Variants in MACROD2 observed in about 807,000 individuals in gnomAD.
The protein encoded by MACROD2 is mono-ADP ribosylhydrolase 2, also known as ADP-ribose glycohydrolase MACROD2.
MACROD2 carries 36 observed loss-of-function variants against 70.4 expected under a neutral mutation model. The observed-to-expected ratio is 0.51, with a 90% CI of 0.39 to 0.68. The LOEUF (loss-of-function observed/expected upper bound fraction) is 0.68. Ranked by LOEUF, MACROD2 falls within the 30% of genes least tolerant of loss-of-function variation. The probability of loss-of-function intolerance (pLI) is 0.00; values close to 1 mark genes in which losing one functional copy is unlikely to be tolerated. For synonymous variants in MACROD2, 172 were observed against 178.8 expected, an observed-to-expected ratio of 0.96 and a Z score of 0.30; for missense variants, 496 against 538.4, an observed-to-expected ratio of 0.92 and a Z score of 0.78.
intron 8 of MACROD2, among the ~76,000 whole-genome samples, chr20:15,776,182 C>A (rs2051718626): frequency 6.6e-6 from 1 of 152,150 alleles, no homozygotes; most frequent in Non-Finnish European, 1.5e-5. Flanking sequence ...TGAATAGCAG[C>A]TACTTCTTTC....
intron 8 of MACROD2, among the ~76,000 whole-genome samples, chr20:15,703,235 G>C (rs1476152867): frequency 6.6e-6 from 1 of 152,176 alleles, no homozygotes; most frequent in East Asian, 1.9e-4. Context: ...ATAAAGATCT[G>C]TTCTAATTAT....
chr20:15,152,203 C>T (rs2076275175), intron 5 of MACROD2, among the ~76,000 whole-genome samples: 2 of 151,992 alleles, frequency 1.3e-5, no homozygotes, highest in South Asian at 4.2e-4. Context: ...GGTCAAGCGG[C>T]ATTGCAGGAG....
chr20:15,617,704 A>C (rs2049058278), intron 8 of MACROD2, among the ~76,000 whole-genome samples: 1 of 152,224 alleles, frequency 6.6e-6, no homozygotes, highest in South Asian at 2.1e-4. Context: ...CACTGTGATA[A>C]GCCCTGGGGC....
chr20:14,124,170 T>G (rs2054618042), intron 3 of MACROD2, among the ~76,000 whole-genome samples: 1 of 152,190 alleles, frequency 6.6e-6, no homozygotes, highest in Admixed American at 6.5e-5. Flanking sequence ...AAACTCTTTT[T>G]GAGGAAATGT....
intron 8 of MACROD2, among the ~76,000 whole-genome samples, chr20:15,525,106 G>T (rs1251538942): frequency 1.3e-5 from 2 of 152,164 alleles, no homozygotes. Flanking sequence ...TCAGCATTCG[G>T]CCATTTCCAG....
Position 15,127,117 on chromosome 20 carries a change from T to C in MACROD2, c.419-102823T>C, listed in dbSNP as rs191939673. Among the ~76,000 whole-genome samples the C allele has an allele frequency of 3.3e-4, 51 of 152,266 alleles. 1 individual carries two copies. Among genetic ancestry groups the C allele is most frequent in the Non-Finnish European group, 6.0e-4 (41 of 68,004 alleles). On this transcript the variant is annotated intron_variant, in intron 5 of 17. Transcript: ENST00000684519. The stretch of plus-strand genomic sequence containing the variant: ...TTTCCAAAGGGAATGCTTTATGTAT[T>C]ACATGGAAAACATCTTGGTAAAGCA...
At chr20:15,490,181 TC>T (rs544174402) in intron 7 of MACROD2, among the ~76,000 whole-genome samples, 29 of 146,332 alleles carry the variant, frequency 2.0e-4, no homozygotes, top group Middle Eastern at 7.2e-3. Context: ...TTTCCTTCCT[TC>T]CTTCCTTTCT....
At chr20:14,973,142 C>G (rs1014034321) in intron 5 of MACROD2, among the ~76,000 whole-genome samples, 1 of 151,586 alleles carries the variant, frequency 6.6e-6, no homozygotes, top group African/African-American at 2.4e-5. Context: ...TTTGGTCAAC[C>G]ATCTGAAGTT....
At chr20:16,005,822 C>G (rs1417258307) in intron 15 of MACROD2, among the ~76,000 whole-genome samples, 1 of 152,168 alleles carries the variant, frequency 6.6e-6, no homozygotes, top group Non-Finnish European at 1.5e-5. Context: ...CTCATTAACC[C>G]AGTAATTAAA....
intron 5 of MACROD2, among the ~76,000 whole-genome samples, chr20:14,917,420 T>C (rs1327449367): frequency 6.6e-6 from 1 of 152,090 alleles, no homozygotes; most frequent in Admixed American, 6.5e-5. Context: ...TTCCTCCTTA[T>C]TGCCTTCTTG....
intron 8 of MACROD2, among the ~76,000 whole-genome samples, chr20:15,555,692 T>A (rs563171850): frequency 4.0e-5 from 6 of 151,464 alleles, no homozygotes; most frequent in Admixed American, 1.3e-4. Flanking sequence ...ATACAAAAAA[T>A]TAGCTAGGCA....
intron 5 of MACROD2, among the ~76,000 whole-genome samples, chr20:14,745,145 G>T (rs140596408): frequency 1.3e-5 from 2 of 152,032 alleles, no homozygotes; most frequent in Non-Finnish European, 2.9e-5. Context: ...GACTTCCTGG[G>T]CATCCTGAAA....
rs187316749 is a variant in MACROD2 at position 15,725,261 on chromosome 20, C to A, written c.646-137484C>A. Among the ~76,000 whole-genome samples, 481 of 152,192 alleles carry A rather than the reference C, an allele frequency of 3.2e-3. 4 individuals carry two copies. The highest frequency in any genetic ancestry group is 0.011 in the African/African-American group (444 of 41,536). On this transcript the variant is annotated intron_variant, in intron 8 of 17. Coordinates refer to ENST00000684519, the MANE Select transcript of MACROD2 (RefSeq NM_001351661.2). Reference sequence around the variant, plus strand: ...TCTTTAGTTCTTTTTAAATTTTTTTCATCAGAGTTTTGTAGTTTTCCTCAT... The same window carrying A: ...TCTTTAGTTCTTTTTAAATTTTTTTAATCAGAGTTTTGTAGTTTTCCTCAT...
chr20:14,593,010 T>G (rs1981881973), intron 4 of MACROD2, among the ~76,000 whole-genome samples: 1 of 152,162 alleles, frequency 6.6e-6, no homozygotes, highest in South Asian at 2.1e-4. Context: ...GGTCTGCATT[T>G]GATTTTAGAC....
intron 8 of MACROD2, among the ~76,000 whole-genome samples, chr20:15,630,502 C>T (rs965162753): frequency 6.6e-6 from 1 of 152,188 alleles, no homozygotes; most frequent in Non-Finnish European, 1.5e-5. Flanking sequence ...TTATAAAATC[C>T]TCAAGGGCAG....
intron 4 of MACROD2, among the ~76,000 whole-genome samples, chr20:14,511,571 T>C (rs1234161043): frequency 6.8e-6 from 1 of 146,838 alleles, no homozygotes; most frequent in Admixed American, 6.8e-5. Context: ...ATATTTCTTT[T>C]CCATAGTGAA....
At chr20:14,154,786 G>A (rs1489111377) in intron 3 of MACROD2, among the ~76,000 whole-genome samples, 1 of 151,974 alleles carries the variant, frequency 6.6e-6, no homozygotes, top group African/African-American at 2.4e-5. Context: ...ATTCCTTTGT[G>A]CCTGTAGCTG....
At chr20:15,524,481 C>CT (rs35117012) in intron 8 of MACROD2, among the ~76,000 whole-genome samples, 4 of 152,064 alleles carry the variant, frequency 2.6e-5, no homozygotes, top group Admixed American at 2.6e-4. Context: ...AATTTTAAAA[C>CT]TTTTTTAAAC....
intron 3 of MACROD2, among the ~76,000 whole-genome samples, chr20:14,257,768 A>G (rs561386742): frequency 1.5e-4 from 23 of 152,320 alleles, no homozygotes; most frequent in Admixed American, 5.9e-4. Flanking sequence ...TTTTTGGGGA[A>G]CAGATGGTTT....
Sources: allele counts gnomAD v4.1 joint callset (sites outside exome capture counted in the v4.1 genomes callset), GRCh38; gene constraint gnomAD v4.1.1; transcripts MANE v1.5; gene names NCBI Gene and HGNC (gene_info 2026-07-23, HGNC 2026-07-21).